Variants in CORO2A observed in about 807,000 individuals in gnomAD.
The protein encoded by CORO2A is coronin 2A.
Under a neutral mutation model 62.4 loss-of-function variants are expected in CORO2A, and 47 were observed. The observed-to-expected ratio is 0.75, with a 90% CI of 0.60 to 0.96. The LOEUF (loss-of-function observed/expected upper bound fraction) is 0.96. CORO2A is among the 40% of genes least tolerant of loss of function. CORO2A has a pLI of 0.00. For missense variants in CORO2A, 610 were observed against 684.1 expected, an observed-to-expected ratio of 0.89 and a Z score of 1.21; for synonymous variants, 273 against 268.9, an observed-to-expected ratio of 1.02 and a Z score of -0.15.
chr9:98,157,360 A>T, intron 2 of CORO2A, 100 bp downstream of exon 2: 1 of 1,079,872 alleles, frequency 9.3e-7, no homozygotes, highest in Non-Finnish European at 1.4e-6. Flanking sequence ...ACAGCTAGTA[A>T]TGGGCAGGGC....
chr9:98,153,200 A>G (rs1351630009), intron 2 of CORO2A, among the ~76,000 whole-genome samples: 2 of 147,306 alleles, frequency 1.4e-5, no homozygotes, highest in Non-Finnish European at 3.0e-5. Context: ...CCCGGGTTCA[A>G]GTGATTCTCC....
intron 2 of CORO2A, among the ~76,000 whole-genome samples, chr9:98,148,316 A>C (rs1588000226): frequency 6.7e-6 from 1 of 148,718 alleles, no homozygotes; most frequent in African/African-American, 2.5e-5. Context: ...AGTTGCTTGA[A>C]CCCAGGAGGC....
At chr9:98,142,804 C>T (rs1206101374) in intron 2 of CORO2A, among the ~76,000 whole-genome samples, 1 of 141,248 alleles carries the variant, frequency 7.1e-6, no homozygotes, top group African/African-American at 2.6e-5. Flanking sequence ...CACACCCCAG[C>T]CCACCCCAGC....
intron 1 of CORO2A, among the ~76,000 whole-genome samples, chr9:98,177,809 C>T (rs1007352062): frequency 1.3e-5 from 2 of 151,710 alleles, no homozygotes; most frequent in Non-Finnish European, 2.9e-5. Context: ...TAATCATCAT[C>T]AACCTCGCAA....
rs1827430350 is a variant in CORO2A at position 98,132,979 on chromosome 9, T to G, written c.648+59A>C. On this transcript the variant is annotated intron_variant, in intron 5 of 11. Transcript: ENST00000375077. ...TGTCCTGTTCTCTGAAGCCTCTCTC[T>G]GTCCCCACTCTGCTCCTTGCTCCTC... 5 of 1,584,980 alleles carry G rather than the reference T, an allele frequency of 3.2e-6. No individual in the cohort carries two copies. In the East Asian group the frequency reaches 1.1e-4, roughly 35 times the overall value.
rs769878882 is a variant in CORO2A, at chr9:98,126,571, G to A, written c.1424C>T (p.Pro475Leu). 6.2e-7 allele frequency: 1 copy of A among 1,613,836 alleles called. No individual in the cohort carries two copies. The highest frequency in any genetic ancestry group is 8.5e-7 in the Non-Finnish European group (1 of 1,179,836). The stretch of plus-strand genomic sequence containing the variant: ...CACCTCATTCTCTGTCTTTGGTGGG[G>A]GGCATTCGAAAACGTCAAAGCCATT... The part of the protein sequence containing the change: ...LTNGFDVFEC[P>L]PPKTENELLQ... The change falls in exon 11 of 12, where the codon CCC becomes CTC. Residue 475 changes from proline (P) to leucine (L), a missense_variant. Physicochemically the swap from Pro to Leu is moderately conservative, Grantham distance 98. Coordinates refer to ENST00000375077, the MANE Select transcript of CORO2A (RefSeq NM_052820.4).
chr9:98,127,156 A>G (rs1013273160), intron 10 of CORO2A, among the ~76,000 whole-genome samples: 2 of 152,146 alleles, frequency 1.3e-5, no homozygotes, highest in African/African-American at 4.8e-5. Flanking sequence ...CCCACCATCT[A>G]CCAAGTTCAT....
chr9:98,126,942 T>G (rs758558528), intron 10 of CORO2A, 119 bp from the exon 11 acceptor site: 2 of 1,143,240 alleles, frequency 1.7e-6, no homozygotes, highest in Non-Finnish European at 2.5e-6. Context: ...CCATGCAACA[T>G]GTGTGGGAAA....
rs1279944167 is a variant in CORO2A, at chr9:98,123,655, T to C, written c.*1119A>G. 1 of 152,020 alleles carries C rather than the reference T, an allele frequency of 6.6e-6. No individual in the cohort carries two copies. The highest frequency in any genetic ancestry group is 1.5e-5 in the Non-Finnish European group (1 of 68,092). 9.4% of individuals were successfully genotyped at this position (152,020 alleles called of 1,614,324 possible). A position where few individuals can be genotyped will look rare whatever the true frequency, so the allele number is the denominator to read the frequency against. ...GACTACAGACGCTCACCACCACGGC[T>C]GGCCAACTTTTTTTTTTTGAGACGG... On this transcript the variant is annotated 3_prime_UTR_variant, in exon 12 of 12. Coordinates refer to ENST00000375077, the MANE Select transcript of CORO2A (RefSeq NM_052820.4).
intron 2 of CORO2A, among the ~76,000 whole-genome samples, chr9:98,147,187 A>G (rs1213887033): frequency 2.0e-5 from 3 of 152,098 alleles, no homozygotes; most frequent in Non-Finnish European, 2.9e-5. Context: ...ACAAACCACA[A>G]GCAAAGTGGC....
intron 2 of CORO2A, among the ~76,000 whole-genome samples, chr9:98,142,298 T>C (rs1322115284): frequency 6.6e-6 from 1 of 152,194 alleles, no homozygotes; most frequent in Non-Finnish European, 1.5e-5. Context: ...CCAGGGTCAC[T>C]GCAAAGGTGA....
At chr9:98,172,605 T>G (rs1438968943) in intron 1 of CORO2A, 1 of 152,360 alleles carries the variant, frequency 6.6e-6, no homozygotes, top group Admixed American at 6.5e-5. Flanking sequence ...GGATGGGAAG[T>G]TCTTTTCCGC....
rs1827258289 is a variant in CORO2A, at chr9:98,122,650, T to C, written c.*2124A>G. On this transcript the variant is annotated 3_prime_UTR_variant, in exon 12 of 12. Coordinates refer to ENST00000375077, the MANE Select transcript of CORO2A (RefSeq NM_052820.4). ...TTGGGACCATCTGGTACTACTTCTT[T>C]ACCTCGTATAGTCATTTCAGAAGAC... is the stretch of plus-strand genomic sequence containing the variant. 1 of 152,214 alleles carries C rather than the reference T, an allele frequency of 6.6e-6. No homozygotes were observed. Among genetic ancestry groups the C allele is most frequent in the Non-Finnish European group, 1.5e-5 (1 of 68,034 alleles). 9.4% of individuals were successfully genotyped at this position (152,214 alleles called of 1,614,324 possible).
intron 1 of CORO2A, among the ~76,000 whole-genome samples, chr9:98,184,961 T>C (rs1398589388): frequency 1.3e-5 from 2 of 152,240 alleles, no homozygotes; most frequent in Non-Finnish European, 2.9e-5. Context: ...TTATCCAATT[T>C]AGAGCCTTAC....
At chr9:98,153,690 A>ACACT (rs372708640) in intron 2 of CORO2A, among the ~76,000 whole-genome samples, 5 of 146,740 alleles carry the variant, frequency 3.4e-5, no homozygotes, top group African/African-American at 1.2e-4. Flanking sequence ...ACACACACAC[A>ACACT]CACTCACACA....
intron 1 of CORO2A, among the ~76,000 whole-genome samples, chr9:98,163,700 C>T (rs1229741134): frequency 3.4e-5 from 5 of 146,494 alleles, no homozygotes; most frequent in African/African-American, 1.3e-4. Context: ...CCTTTCTTGA[C>T]ATACATGCGG....
intron 8 of CORO2A, among the ~76,000 whole-genome samples, chr9:98,129,359 CTT>C (rs1491486198): frequency 1.3e-5 from 2 of 152,152 alleles, no homozygotes; most frequent in African/African-American, 4.8e-5. Flanking sequence ...CTAGCCATGT[CTT>C]TATGTTTAAA....
intron 1 of CORO2A, among the ~76,000 whole-genome samples, chr9:98,161,621 T>G (rs943335751): frequency 6.6e-6 from 1 of 152,048 alleles, no homozygotes; most frequent in African/African-American, 2.4e-5. Flanking sequence ...AATTTTCAGG[T>G]TTTCCTCTGA....
rs763826178 is a variant in CORO2A at position 98,129,907 on chromosome 9, G to C, written c.871-17C>G. ...GCCATCTCCCTGAGGAGGAGGAGAA[G>C]GAAGAGGAGGGTGAGATTCAGAGCT... On this transcript the variant is annotated splice_polypyrimidine_tract_variant and intron_variant, in intron 7 of 11. Transcript: ENST00000375077. 3 of 1,593,768 alleles carry C rather than the reference G, an allele frequency of 1.9e-6. No homozygotes were observed. Among genetic ancestry groups the C allele is most frequent in the Non-Finnish European group, 2.6e-6 (3 of 1,162,162 alleles).
Sources: gnomAD v4.1 joint callset for allele counts (sites outside exome capture counted in the v4.1 genomes callset) on GRCh38, gnomAD v4.1.1 for gene constraint, MANE v1.5 for transcripts, NCBI Gene and HGNC (gene_info 2026-07-23, HGNC 2026-07-21) for gene names.